The following SCN10A variants were observed in gnomAD, a reference collection of about 807,000 sequenced individuals.
SCN10A encodes the protein sodium voltage-gated channel alpha subunit 10, also known as sodium channel protein type 10 subunit alpha.
SCN10A carries 162 observed loss-of-function variants against 170.7 expected under a neutral mutation model. That is an observed-to-expected ratio of 0.95 (90% CI 0.84 to 1.08). The LOEUF is 1.08. Ranked by LOEUF, SCN10A falls within the 50% of genes least tolerant of loss-of-function variation. The pLI is 0.00. For synonymous variants in SCN10A, 985 were observed against 904.6 expected, an observed-to-expected ratio of 1.09 and a Z score of -1.59; for missense variants, 2,527 against 2,436.9, an observed-to-expected ratio of 1.04 and a Z score of -0.78.
intron 15 of SCN10A, among the ~76,000 whole-genome samples, chr3:38,729,636 C>T (rs771942011): frequency 7.2e-5 from 11 of 152,156 alleles, no homozygotes; most frequent in Admixed American, 1.3e-4. Context: ...CTCAAATATG[C>T]TAAGTCCCAC....
intron 4 of SCN10A, among the ~76,000 whole-genome samples, chr3:38,777,031 A>C (rs1198456349): frequency 6.6e-6 from 1 of 152,108 alleles, no homozygotes; most frequent in Non-Finnish European, 1.5e-5. Context: ...AAATTGATAT[A>C]AAAAGTAATT....
Position 38,697,878 on chromosome 3 carries a change from T to G in SCN10A, c.5342A>C (p.Asn1781Thr). 2 of 1,613,966 alleles carry G rather than the reference T, an allele frequency of 1.2e-6. No homozygotes were observed. The highest frequency in any genetic ancestry group is 1.7e-6 in the Non-Finnish European group (2 of 1,179,992). Residue 1781 changes from asparagine (N) to threonine (T), a missense_variant, in exon 28 of 28, where the codon AAT (asparagine) becomes ACT (threonine). Coordinates refer to ENST00000449082, the MANE Select transcript of SCN10A (RefSeq NM_006514.4). Reference protein sequence around the residue: ...LSGPLRIPKPNRNILIQMDLP... With the variant: ...LSGPLRIPKPTRNILIQMDLP... ...GTCCATCTGGATCAGTATATTTCGA[T>G]TGGGTTTTGGGATTCTCAGGGGACC... is the stretch of plus-strand genomic sequence containing the variant.
chr3:38,760,602 C>T, intron 8 of SCN10A, 79 bp downstream of exon 8: 1 of 1,118,760 alleles, frequency 8.9e-7, no homozygotes, highest in Non-Finnish European at 1.4e-6. Context: ...GCAACCCCAT[C>T]TGTGCCCATA....
At chr3:38,722,531 A>G in intron 19 of SCN10A, 119 bp from the exon 20 acceptor site, 2 of 1,233,830 alleles carry the variant, frequency 1.6e-6, no homozygotes, top group Middle Eastern at 2.0e-4. Context: ...TTGGAAAAAA[A>G]TTCTTTCCTG....
chr3:38,702,160 A>G, intron 26 of SCN10A, 51 bp from the exon 27 acceptor site: 1 of 1,511,222 alleles, frequency 6.6e-7, no homozygotes, highest in South Asian at 1.4e-5. Flanking sequence ...AGCACAAACC[A>G]GGCATCTGTG....
At chr3:38,806,686 A>G (rs1176332829) in intron 1 of SCN10A, among the ~76,000 whole-genome samples, 5 of 152,310 alleles carry the variant, frequency 3.3e-5, no homozygotes, top group Admixed American at 1.3e-4. Flanking sequence ...TTATAGACAA[A>G]TGCATAATAT....
intron 5 of SCN10A, among the ~76,000 whole-genome samples, chr3:38,769,672 T>C (rs2063976625): frequency 6.6e-6 from 1 of 152,220 alleles, no homozygotes; most frequent in African/African-American, 2.4e-5. Flanking sequence ...TTCTGGTTCC[T>C]TCTCATTTGA....
At chr3:38,791,069 A>G (rs2064274821) in intron 3 of SCN10A, among the ~76,000 whole-genome samples, 1 of 152,216 alleles carries the variant, frequency 6.6e-6, no homozygotes. Context: ...CAGAAATCCA[A>G]CAATCTGCCT....
intron 5 of SCN10A, among the ~76,000 whole-genome samples, chr3:38,769,842 C>T (rs2126039778): frequency 6.6e-6 from 1 of 152,270 alleles, no homozygotes; most frequent in South Asian, 2.1e-4. Flanking sequence ...CTGGGCCTAG[C>T]CACACAGAGG....
At chr3:38,750,502 T>C (rs1472510985) in intron 12 of SCN10A, among the ~76,000 whole-genome samples, 1 of 152,184 alleles carries the variant, frequency 6.6e-6, no homozygotes, top group Admixed American at 6.5e-5. Context: ...ATAAAGAAAG[T>C]TTATAAAGCT....
At position 38,722,321 on chromosome 3, in the gene SCN10A, G is replaced by A. The variant is rs900428224; in HGVS notation, c.3444C>T (p.Ile1148=). The A allele has an allele frequency of 1.8e-5, 29 of 1,613,956 alleles. No homozygotes were observed. Among genetic ancestry groups the A allele is most frequent in the African/African-American group, 5.3e-5 (4 of 74,882 alleles). ...GWQVRKTCYR[I]VEHSWFESFI... ...AGCTCTCAAACCAGCTGTGCTCCAC[G>A]ATACGGTAGCAAGTCTTGCGCACCT... Residue 1148 remains isoleucine (I), a synonymous_variant, in exon 20 of 28, where the codon ATC becomes ATT. Coordinates refer to ENST00000449082, the MANE Select transcript of SCN10A (RefSeq NM_006514.4).
chr3:38,780,561 G>A (rs934696048), intron 4 of SCN10A, among the ~76,000 whole-genome samples: 3 of 151,856 alleles, frequency 2.0e-5, no homozygotes, highest in African/African-American at 7.3e-5. Context: ...TGTGGTTTTT[G>A]CATTGTTGAA....
chr3:38,744,694 G>A (rs1469601113), intron 13 of SCN10A, among the ~76,000 whole-genome samples: 1 of 151,564 alleles, frequency 6.6e-6, no homozygotes, highest in African/African-American at 2.4e-5. Flanking sequence ...AATTTATTTT[G>A]GGTAAAGAGT....
intron 5 of SCN10A, among the ~76,000 whole-genome samples, chr3:38,767,400 T>C (rs903199614): frequency 6.6e-6 from 1 of 151,994 alleles, no homozygotes; most frequent in Non-Finnish European, 1.5e-5. Context: ...CTCTTAGCAC[T>C]GCTTTAGCTG....
chr3:38,729,715 G>T (rs539489539), intron 15 of SCN10A, among the ~76,000 whole-genome samples: 3 of 152,260 alleles, frequency 2.0e-5, no homozygotes, highest in South Asian at 2.1e-4. Context: ...TCTCTAATTT[G>T]TCAGGAAAAA....
rs908773400 is a variant in SCN10A at position 38,761,275 on chromosome 3, A to G, written c.800T>C (p.Leu267Pro). The G allele has an allele frequency of 2.5e-6, 4 of 1,613,910 alleles. No homozygotes were observed. Among genetic ancestry groups the G allele is most frequent in the Non-Finnish European group, 3.4e-6 (4 of 1,179,954 alleles). Residue 267 changes from leucine to proline, a missense_variant, in exon 7 of 28, where the codon CTC becomes CCC. Coordinates refer to ENST00000449082, the MANE Select transcript of SCN10A (RefSeq NM_006514.4). ...LSVFALVGLQ[L>P]FKGNLKNKCV... The stretch of plus-strand genomic sequence containing the variant: ...TTTATTTTTGAGGTTGCCCTTGAAG[A>G]GTTGCAGCCCCACCAAGGCAAAAAC...
intron 7 of SCN10A, 89 bp from the exon 8 acceptor site, chr3:38,760,836 T>A: frequency 9.2e-6 from 10 of 1,082,778 alleles, no homozygotes; most frequent in Non-Finnish European, 1.4e-5. Flanking sequence ...TCCCAAGTCT[T>A]CCAAAGTGAG....
At chr3:38,773,526 G>A (rs1431578283) in intron 4 of SCN10A, among the ~76,000 whole-genome samples, 2 of 152,166 alleles carry the variant, frequency 1.3e-5, no homozygotes, top group African/African-American at 4.8e-5. Context: ...CACCTGATGT[G>A]TGCAAATAAA....
At chr3:38,779,627 A>C (rs1156254509) in intron 4 of SCN10A, among the ~76,000 whole-genome samples, 2 of 151,844 alleles carry the variant, frequency 1.3e-5, no homozygotes, top group Non-Finnish European at 2.9e-5. Flanking sequence ...TACTGATATA[A>C]ATATTCTATG....
Sources: gnomAD v4.1 joint callset for allele counts (sites outside exome capture counted in the v4.1 genomes callset) on GRCh38, gnomAD v4.1.1 for gene constraint, MANE v1.5 for transcripts, NCBI Gene and HGNC (gene_info 2026-07-23, HGNC 2026-07-21) for gene names.